The following RNF144A variants were observed in gnomAD, a reference collection of about 807,000 sequenced individuals.
The protein encoded by RNF144A is E3 ubiquitin-protein ligase RNF144A.
Under a neutral mutation model 38.7 loss-of-function variants are expected in RNF144A, and 11 were observed. The ratio of observed to expected loss-of-function variants is 0.28; its 90% CI spans 0.18 to 0.47. RNF144A has a LOEUF of 0.47. RNF144A is among the 20% of genes least tolerant of loss of function. The probability of loss-of-function intolerance (pLI) is 0.99; values close to 1 mark genes in which losing one functional copy is unlikely to be tolerated. For missense variants in RNF144A, 316 were observed against 377.2 expected (o/e 0.84, Z 1.34); for synonymous variants, 149 against 143.9 (o/e 1.04, Z -0.25).
At chr2:7,050,944 T>C (rs555990367) in intron 6 of RNF144A, among the ~76,000 whole-genome samples, 10 of 152,336 alleles carry the variant, frequency 6.6e-5, no homozygotes, top group Admixed American at 1.3e-4. Context: ...TCGGGTGCAG[T>C]CTTGAAGCTA....
the RNF144A span, among the ~76,000 whole-genome samples, chr2:7,075,242 A>G: frequency 6.6e-6 from 1 of 151,976 alleles, no homozygotes; most frequent in African/African-American, 2.4e-5. Context: ...CTCATGATTA[A>G]TGGCAGCTGG....
chr2:7,071,757 A>G (rs1340775598), downstream of RNF144A, among the ~76,000 whole-genome samples: 1 of 152,236 alleles, frequency 6.6e-6, no homozygotes, highest in East Asian at 1.9e-4. Context: ...TCACTCAACA[A>G]AACAGTCATC....
At chr2:6,947,344 A>G (rs1666404251) in intron 2 of RNF144A, among the ~76,000 whole-genome samples, 1 of 152,138 alleles carries the variant, frequency 6.6e-6, no homozygotes, top group South Asian at 2.1e-4. Context: ...AAGCTATTTC[A>G]AAAATTAATA....
intron 1 of RNF144A, among the ~76,000 whole-genome samples, chr2:6,924,632 A>C (rs1222237422): frequency 2.0e-5 from 3 of 152,192 alleles, no homozygotes; most frequent in African/African-American, 4.8e-5. Context: ...AGGGGCCTCC[A>C]TCTCCCTTCC....
At chr2:6,954,919 A>T (rs1666905887) in intron 2 of RNF144A, among the ~76,000 whole-genome samples, 1 of 152,224 alleles carries the variant, frequency 6.6e-6, no homozygotes, top group East Asian at 1.9e-4. Flanking sequence ...TAGTAAACAT[A>T]TATTAACATT....
At chr2:6,964,153 G>A (rs1667506132) in intron 2 of RNF144A, among the ~76,000 whole-genome samples, 1 of 152,130 alleles carries the variant, frequency 6.6e-6, no homozygotes, top group Non-Finnish European at 1.5e-5. Context: ...TTTGAAAGAG[G>A]GAGCATGTTC....
intron 5 of RNF144A, among the ~76,000 whole-genome samples, chr2:7,017,128 C>T (rs895905355): frequency 6.6e-6 from 1 of 152,128 alleles, no homozygotes; most frequent in Admixed American, 6.5e-5. Flanking sequence ...CTACACTCGA[C>T]GCCCGTGGCC....
chr2:6,954,102 A>G (rs1398415459), intron 2 of RNF144A, among the ~76,000 whole-genome samples: 1 of 151,826 alleles, frequency 6.6e-6, no homozygotes, highest in Non-Finnish European at 1.5e-5. Flanking sequence ...AATTTCTTAT[A>G]CTTTTAGGTA....
At chr2:7,057,015 C>T (rs988857230) in intron 6 of RNF144A, among the ~76,000 whole-genome samples, 1 of 152,184 alleles carries the variant, frequency 6.6e-6, no homozygotes, top group Admixed American at 6.5e-5. Context: ...GATCTCACCC[C>T]CAGGGGGTCC....
At chr2:6,988,271 C>T (rs937837815) in intron 2 of RNF144A, among the ~76,000 whole-genome samples, 24 of 152,178 alleles carry the variant, frequency 1.6e-4, no homozygotes, top group African/African-American at 5.6e-4. Context: ...GTCCATTTGT[C>T]ACAATATGAA....
Position 7,055,626 on chromosome 2 carries a change from G to C in RNF144A, c.735-12590G>C, listed in dbSNP as rs1016579751. Among the ~76,000 whole-genome samples, 3 of 152,142 alleles carry C rather than the reference G, an allele frequency of 2.0e-5. No individual in the cohort carries two copies. In the East Asian group the frequency reaches 5.8e-4, roughly 29 times the overall value. On this transcript the variant is annotated intron_variant, in intron 6 of 6. Coordinates refer to the RNF144A transcript ENST00000432850. The stretch of plus-strand genomic sequence containing the variant: ...CTAAGCAAAGCCATTACCCACTCCT[G>C]TGTAGGCTACTGCACAGGTGAGTCT...
At chr2:6,970,803 A>G (rs1357412059) in intron 2 of RNF144A, among the ~76,000 whole-genome samples, 1 of 152,148 alleles carries the variant, frequency 6.6e-6, no homozygotes, top group Non-Finnish European at 1.5e-5. Context: ...ACAGGACTGC[A>G]TTATTCTCAC....
At chr2:7,070,504 T>C (rs1674427320), downstream of RNF144A, among the ~76,000 whole-genome samples, 1 of 152,204 alleles carries the variant, frequency 6.6e-6, no homozygotes, top group Non-Finnish European at 1.5e-5. Flanking sequence ...ATTGTTTCCC[T>C]CCAAAAGTTA....
In RNF144A at chr2:7,043,300, G is replaced by A; in HGVS notation, c.*3540G>A. On this transcript the variant is annotated 3_prime_UTR_variant, in exon 9 of 9. Coordinates refer to ENST00000320892, the MANE Select transcript of RNF144A (RefSeq NM_014746.6). Reference sequence around the variant, plus strand: ...ATCAGAGATGCAAAAATTACTTCAAGATGAGTTTATTGTTTTCATTTGTAT... The same window carrying A: ...ATCAGAGATGCAAAAATTACTTCAAAATGAGTTTATTGTTTTCATTTGTAT... 3.0e-6 allele frequency: 3 copies of A among 985,306 alleles called. No homozygotes were observed. The highest frequency in any genetic ancestry group is 3.6e-6 in the Non-Finnish European group (3 of 829,810). The allele number at this position is 985,306 out of a possible 1,614,324, so 61.0% of individuals were successfully genotyped here. A position where few individuals can be genotyped will look rare whatever the true frequency, so the allele number is the denominator to read the frequency against.
chr2:7,042,056 G>A lies in RNF144A; in HGVS notation c.*2296G>A. ...AGGGGCAGTCAAATTGGCACCTACT[G>A]GCTCTGACTTTTTGTATGAAGCATG... is the stretch of plus-strand genomic sequence containing the variant. On this transcript the variant is annotated 3_prime_UTR_variant, in exon 9 of 9. Coordinates refer to ENST00000320892, the MANE Select transcript of RNF144A (RefSeq NM_014746.6). 1.0e-6 allele frequency: 1 copy of A among 985,290 alleles called. No homozygotes were observed. Among genetic ancestry groups the A allele is most frequent in the Non-Finnish European group, 1.2e-6 (1 of 829,888 alleles). The allele number at this position is 985,290 out of a possible 1,614,324, so 61.0% of individuals were successfully genotyped here.
Position 7,040,555 on chromosome 2 carries a change from G to C in RNF144A, c.*795G>C. On this transcript the variant is annotated 3_prime_UTR_variant, in exon 9 of 9. Transcript: ENST00000320892. ...GTTGTTTTCTCTCTTTGGTGATTCA[G>C]CTCAGCTCATGGGCCTCATCCCTTC... The C allele has an allele frequency of 1.0e-6, 1 of 985,402 alleles. No individual in the cohort carries two copies. The highest frequency in any genetic ancestry group is 1.2e-6 in the Non-Finnish European group (1 of 829,926). 61.0% of individuals were successfully genotyped at this position (985,402 alleles called of 1,614,324 possible). A position where few individuals can be genotyped will look rare whatever the true frequency, so the allele number is the denominator to read the frequency against.
chr2:7,025,558 G>A (rs1166689828), intron 7 of RNF144A, among the ~76,000 whole-genome samples: 2 of 152,110 alleles, frequency 1.3e-5, no homozygotes, highest in Non-Finnish European at 2.9e-5. Flanking sequence ...TGTAGTCCCA[G>A]CTACATGGGA....
At chr2:6,924,865 G>A (rs1664761105) in intron 1 of RNF144A, among the ~76,000 whole-genome samples, 1 of 152,246 alleles carries the variant, frequency 6.6e-6, no homozygotes, top group Non-Finnish European at 1.5e-5. Context: ...ATGTGCCCAT[G>A]GTCTGTGGTG....
intron 7 of RNF144A, 145 bp downstream of exon 7, chr2:7,024,661 G>C (rs181884113): frequency 1.1e-6 from 1 of 943,814 alleles, no homozygotes; most frequent in East Asian, 2.5e-5. Context: ...GTTTCTCCTG[G>C]GTTTGTGAAA....
Sources: gnomAD v4.1 joint callset for allele counts (sites outside exome capture counted in the v4.1 genomes callset) on GRCh38, gnomAD v4.1.1 for gene constraint, MANE v1.5 for transcripts, NCBI Gene and HGNC (gene_info 2026-07-23, HGNC 2026-07-21) for gene names.